The following FAM47E variants were observed in gnomAD, a reference collection of about 807,000 sequenced individuals.
FAM47E encodes the protein protein FAM47E.
Under a neutral mutation model 41.6 loss-of-function variants are expected in FAM47E, and 32 were observed. The observed-to-expected ratio is 0.77, with a 90% CI of 0.58 to 1.03. The LOEUF is 1.03. FAM47E is among the 50% of genes least tolerant of loss of function. The pLI is 0.00. For missense variants in FAM47E, 424 were observed against 485.4 expected (o/e 0.87, Z 1.19); for synonymous variants, 184 against 188.7 (o/e 0.98, Z 0.20).
exon 1 of FAM47E, chr4:76,214,220 T>G (rs1733154604): frequency 2.2e-6 from 1 of 454,492 alleles, no homozygotes. Flanking sequence ...GGGACACCGT[T>G]ACCGCAATTA....
chr4:76,253,946 C>T (rs918008046), intron 1 of FAM47E, among the ~76,000 whole-genome samples: 3 of 151,780 alleles, frequency 2.0e-5, no homozygotes, highest in Non-Finnish European at 2.9e-5. Flanking sequence ...ACCCTGTCTC[C>T]TCTCTCTACA....
chr4:76,256,426 A>T lies in FAM47E; in HGVS notation c.323A>T (p.Gln108Leu). The T allele has an allele frequency of 6.4e-7, 1 of 1,552,366 alleles. No homozygotes were observed. The highest frequency in any genetic ancestry group is 1.2e-5 in the South Asian group (1 of 84,084). The part of the protein sequence containing the change: ...ADVLSKLSPA[Q>L]QARKAFLEDV... The stretch of plus-strand genomic sequence containing the variant: ...GTGCTTTCCAAGCTCTCGCCAGCCC[A>T]GCAGGCTCGGAAGGCATTCCTGGAG... Residue 108 changes from glutamine to leucine, a missense_variant, in exon 2 of 8, where the codon CAG becomes CTG. Transcript: ENST00000424749.
At chr4:76,279,291 C>T (rs1735254302) in intron 6 of FAM47E, 1 of 151,978 alleles carries the variant, frequency 6.6e-6, no homozygotes, top group African/African-American at 2.4e-5. Flanking sequence ...ATCATTTTTT[C>T]TCAAATTAAA....
chr4:76,228,445 C>G (rs1733437386), intron 2 of FAM47E, among the ~76,000 whole-genome samples: 1 of 150,678 alleles, frequency 6.6e-6, no homozygotes, highest in South Asian at 2.1e-4. Context: ...TGCCACTGCA[C>G]TCCAGCCTGG....
At chr4:76,238,266 G>A (rs113640822) in intron 2 of FAM47E, among the ~76,000 whole-genome samples, 2,727 of 152,286 alleles carry the variant, frequency 0.018, 51 homozygotes, top group African/African-American at 0.047. Flanking sequence ...TTAGCCTGGC[G>A]TTTCCAAGTC....
intron 5 of FAM47E, among the ~76,000 whole-genome samples, chr4:76,276,913 G>A (rs143026175): frequency 0.018 from 2,773 of 152,228 alleles, 82 homozygotes; most frequent in African/African-American, 0.063. Context: ...TCTCTTTCTT[G>A]GAGCGTATCT....
At chr4:76,225,004 C>T (rs4306982) in intron 2 of FAM47E, among the ~76,000 whole-genome samples, 1 of 151,838 alleles carries the variant, frequency 6.6e-6, no homozygotes, top group Non-Finnish European at 1.5e-5. Context: ...TATGCATCCT[C>T]ATAGCTTAGC....
chr4:76,270,280 G>A (rs990939050), intron 4 of FAM47E, among the ~76,000 whole-genome samples: 26 of 152,192 alleles, frequency 1.7e-4, no homozygotes, highest in South Asian at 4.1e-4. Flanking sequence ...TGTGAAGACA[G>A]CAAAGCTTTT....
rs189977538 is a variant in FAM47E at position 76,244,475 on chromosome 4, C to T, written c.82-19229C>T. On this transcript the variant is annotated intron_variant, in intron 2 of 7. Transcript: ENST00000510197. ...GGTACCTCATTGTGGTTTTGATTTG[C>T]ATTTCTCTAATGACCAGTGATGAGC... Among the ~76,000 whole-genome samples, 485 of 150,914 alleles carry T rather than the reference C, an allele frequency of 3.2e-3. 2 individuals carry two copies. Among genetic ancestry groups the T allele is most frequent in the African/African-American group, 0.011 (455 of 41,078 alleles).
At chr4:76,244,499 G>A (rs1041787597) in intron 2 of FAM47E, among the ~76,000 whole-genome samples, 6 of 148,562 alleles carry the variant, frequency 4.0e-5, no homozygotes, top group African/African-American at 9.9e-5. Context: ...CCAGTGATGA[G>A]CATTTTTTCA....
Position 76,280,337 on chromosome 4 carries a change from C to T in FAM47E, c.1100C>T (p.Pro367Leu). 6.5e-7 allele frequency: 1 copy of T among 1,530,348 alleles called. No individual in the cohort carries two copies. Among genetic ancestry groups the T allele is most frequent in the Admixed American group, 2.0e-5 (1 of 50,282 alleles). 94.8% of individuals were successfully genotyped at this position (1,530,348 alleles called of 1,614,324 possible). ...ATTCTAAGCAGGGGCTACAGGACGC[C>T]ACGTGTGAGTAAAGGGTCCTTTCAG... ...DFILSRGYRT[P>L]RFLENMYIGK... Residue 367 changes from proline (P) to leucine (L), a missense_variant, in exon 7 of 8, where the codon CCA becomes CTA. Physicochemically the swap from Pro to Leu is moderately conservative, Grantham distance 98 (BLOSUM62 -3). Transcript: ENST00000424749.
intron 2 of FAM47E, among the ~76,000 whole-genome samples, chr4:76,244,762 ACTCCTGGCCTCGTG>A (rs1388440316): frequency 3.4e-5 from 5 of 147,048 alleles, no homozygotes. Context: ...CTGGTCTTGA[ACTCCTGGCCTCGTG>A]ATCCACCCAC....
chr4:76,252,012 C>G (rs1157998240), intron 1 of FAM47E, among the ~76,000 whole-genome samples, 192 bp downstream of exon 1: 3 of 152,132 alleles, frequency 2.0e-5, no homozygotes, highest in Non-Finnish European at 4.4e-5. Flanking sequence ...AAGGATTTTT[C>G]CTGCTGTCAT....
chr4:76,232,835 A>G (rs960789215), intron 2 of FAM47E, among the ~76,000 whole-genome samples: 3 of 152,236 alleles, frequency 2.0e-5, no homozygotes, highest in Non-Finnish European at 4.4e-5. Context: ...ATTTGATATT[A>G]TGAAATAGTG....
At chr4:76,279,208 A>C (rs1735251093) in intron 6 of FAM47E, 1 of 152,216 alleles carries the variant, frequency 6.6e-6, no homozygotes, top group Non-Finnish European at 1.5e-5. Context: ...TGGTTTTTGG[A>C]AAGCCTAGGT....
intron 2 of FAM47E, among the ~76,000 whole-genome samples, chr4:76,225,190 C>T (rs1316994969): frequency 6.6e-6 from 1 of 152,172 alleles, no homozygotes; most frequent in Admixed American, 6.5e-5. Context: ...CACTCGCACT[C>T]GTTGGCACTT....
At chr4:76,251,455 AGCAAAAAACGCCTGATCCAGTC>A, upstream of FAM47E, among the ~76,000 whole-genome samples, 1 of 152,162 alleles carries the variant, frequency 6.6e-6, no homozygotes, top group South Asian at 2.1e-4. Context: ...AACGATGATG[AGCAAAAAACGCCTGATCCAGTC>A]TATGGCGCGT....
intron 1 of FAM47E, among the ~76,000 whole-genome samples, chr4:76,254,188 A>T (rs1235750069): frequency 6.6e-6 from 1 of 151,754 alleles, no homozygotes; most frequent in Non-Finnish European, 1.5e-5. Flanking sequence ...TTCTTTTAGG[A>T]TCTCTGCCAG....
intron 2 of FAM47E, among the ~76,000 whole-genome samples, chr4:76,244,351 C>T (rs1733775872): frequency 6.6e-6 from 1 of 152,102 alleles, no homozygotes. Context: ...AATTTACACT[C>T]CCACCAACAG....
Sources: gnomAD v4.1 joint callset for allele counts (sites outside exome capture counted in the v4.1 genomes callset) on GRCh38, gnomAD v4.1.1 for gene constraint, MANE v1.5 for transcripts, NCBI Gene and HGNC (gene_info 2026-07-23, HGNC 2026-07-21) for gene names.